The following RARRES1 variants were observed in gnomAD, a reference collection of about 807,000 sequenced individuals.
The protein encoded by RARRES1 is retinoic acid receptor responder protein 1.
A neutral mutation model predicts 30.6 loss-of-function variants in RARRES1; 34 were observed. The ratio of observed to expected loss-of-function variants is 1.11; its 90% CI spans 0.84 to 1.48. RARRES1 has a LOEUF of 1.48. Among genes scored for constraint, RARRES1 ranks in the 40% most tolerant of loss-of-function variants. The pLI is 0.00. For missense variants in RARRES1, 373 were observed against 386.5 expected, an observed-to-expected ratio of 0.97 and a Z score of 0.29; for synonymous variants, 153 against 155.5, an observed-to-expected ratio of 0.98 and a Z score of 0.12.
intron 4 of RARRES1, among the ~76,000 whole-genome samples, chr3:158,701,426 A>G (rs1156537341): frequency 1.3e-5 from 2 of 150,810 alleles, no homozygotes; most frequent in Non-Finnish European, 2.9e-5. Context: ...ATAAGCTTGT[A>G]CTTCTTTACA....
At chr3:158,727,871 C>T (rs919078770) in intron 1 of RARRES1, among the ~76,000 whole-genome samples, 1 of 152,178 alleles carries the variant, frequency 6.6e-6, no homozygotes, top group Non-Finnish European at 1.5e-5. Flanking sequence ...TTCCTCCACT[C>T]CACTCCACCC....
At chr3:158,728,019 C>T (rs1727746004) in intron 1 of RARRES1, among the ~76,000 whole-genome samples, 1 of 152,112 alleles carries the variant, frequency 6.6e-6, no homozygotes, top group Non-Finnish European at 1.5e-5. Flanking sequence ...AGAATTTCAG[C>T]GCGAGAAGAG....
At chr3:158,724,399 GATTATTCCTGTGGGCACAATGTAATC>G (rs1351073040) in intron 1 of RARRES1, among the ~76,000 whole-genome samples, 2 of 152,162 alleles carry the variant, frequency 1.3e-5, no homozygotes, top group African/African-American at 4.8e-5. Context: ...GATTATCCTG[GATTATTCCTGTGGGCACAATGTAATC>G]ACAAGGGTCC....
At chr3:158,730,040 G>T (rs1419157853) in intron 1 of RARRES1, among the ~76,000 whole-genome samples, 1 of 151,846 alleles carries the variant, frequency 6.6e-6, no homozygotes, top group East Asian at 2.0e-4. Context: ...GTGACAAGAT[G>T]GCCCGGCACG....
At chr3:158,698,656 A>G (rs1201985475) in intron 4 of RARRES1, among the ~76,000 whole-genome samples, 3 of 143,398 alleles carry the variant, frequency 2.1e-5, no homozygotes, top group Non-Finnish European at 4.5e-5. Context: ...AACCAACTCC[A>G]TATTTTCTTT....
chr3:158,697,807 A>T lies in RARRES1; in HGVS notation c.756T>A (p.Ile252=). The T allele has an allele frequency of 6.2e-7, 1 of 1,610,552 alleles. No individual in the cohort carries two copies. The part of the protein sequence containing the change: ...LSTQEIIPCR[I]HLVWYPGKPL... ...GTTTGCCAGGGTACCAGACCAAGTGAATGCGACAGGGAATTATTTCCTAGG... is the reference window on the plus strand; with the variant it reads ...GTTTGCCAGGGTACCAGACCAAGTGTATGCGACAGGGAATTATTTCCTAGG... The change falls in exon 6 of 6, where the codon ATT becomes ATA. Residue 252 remains isoleucine, a synonymous_variant. Coordinates refer to ENST00000237696, the MANE Select transcript of RARRES1 (RefSeq NM_206963.2).
At chr3:158,710,977 A>T (rs200243443) in intron 2 of RARRES1, 44 bp from the exon 3 acceptor site, 47 of 1,526,582 alleles carry the variant, frequency 3.1e-5, no homozygotes, top group Non-Finnish European at 4.1e-5. Context: ...CACTCACCCC[A>T]GTGCACACAA....
rs1185366688 is a variant in RARRES1 at position 158,723,200 on chromosome 3, A to G, written c.276+8940T>C. Among the ~76,000 whole-genome samples, 2 of 152,170 alleles carry G rather than the reference A, an allele frequency of 1.3e-5. No homozygotes were observed. The highest frequency in any genetic ancestry group is 2.1e-4 in the South Asian group (1 of 4,838). On this transcript the variant is annotated intron_variant, in intron 1 of 5. Coordinates refer to ENST00000237696, the MANE Select transcript of RARRES1 (RefSeq NM_206963.2). The surrounding 1 kb of genome is among the most constrained non-coding windows in gnomAD (Gnocchi z 4.4). ...TGGGGACGAGCTCACAGGTAATTCCAGTCTCCCTCCACGCATCTTGGGACT... is the reference window on the plus strand; with the variant it reads ...TGGGGACGAGCTCACAGGTAATTCCGGTCTCCCTCCACGCATCTTGGGACT...
rs144248581 is a variant in RARRES1 at position 158,712,318 on chromosome 3, G to T, written c.340-1385C>A. On this transcript the variant is annotated intron_variant, in intron 2 of 5. Coordinates refer to ENST00000237696, the MANE Select transcript of RARRES1 (RefSeq NM_206963.2). ...AAATTCTCTCTGCGCTTGAGCCCAG[G>T]AAGTCAAGGTTGCAGTGAGCCATGA... 7.0e-3 allele frequency among the ~76,000 whole-genome samples: 1,061 copies of T among 152,280 alleles called. 15 individuals carry two copies. The highest frequency in any genetic ancestry group is 0.025 in the African/African-American group (1,030 of 41,552).
chr3:158,700,206 T>C (rs1396107757), intron 4 of RARRES1, among the ~76,000 whole-genome samples: 1 of 149,900 alleles, frequency 6.7e-6, no homozygotes, highest in Admixed American at 6.6e-5. Context: ...ATAATAAGTG[T>C]GTGTGTGTGT....
At chr3:158,703,213 C>G (rs1405940223) in intron 4 of RARRES1, among the ~76,000 whole-genome samples, 1 of 152,164 alleles carries the variant, frequency 6.6e-6, no homozygotes, top group Non-Finnish European at 1.5e-5. Context: ...TATCTGCCCT[C>G]CTAGCACTGG....
chr3:158,710,964 T>TCC, intron 2 of RARRES1, 31 bp from the exon 3 acceptor site: 1 of 1,576,580 alleles, frequency 6.3e-7, no homozygotes, highest in Non-Finnish European at 8.7e-7. Context: ...CTTTATCACC[T>TCC]CCCACTCACC....
chr3:158,716,868 C>T (rs960881230), intron 1 of RARRES1, among the ~76,000 whole-genome samples: 2 of 152,208 alleles, frequency 1.3e-5, no homozygotes, highest in Admixed American at 1.3e-4. Flanking sequence ...ATAGGCGTGA[C>T]TCACTGCGCC....
intron 2 of RARRES1, 122 bp from the exon 3 acceptor site, chr3:158,711,055 G>T: frequency 1.1e-6 from 1 of 878,462 alleles, no homozygotes; most frequent in Non-Finnish European, 1.8e-6. Flanking sequence ...AGATGTAGTG[G>T]GTTTTGGTTT....
At chr3:158,698,060 T>C (rs1726605336) in intron 4 of RARRES1, 90 bp from the exon 5 acceptor site, 1 of 921,024 alleles carries the variant, frequency 1.1e-6, no homozygotes, top group East Asian at 2.7e-5. Flanking sequence ...ATGGGTGCCT[T>C]GTGTCTCCTA....
At chr3:158,701,802 G>A (rs1189970456) in intron 4 of RARRES1, among the ~76,000 whole-genome samples, 1 of 152,126 alleles carries the variant, frequency 6.6e-6, no homozygotes, top group Non-Finnish European at 1.5e-5. Context: ...ATGCGTGTCA[G>A]CCTTGAAACC....
chr3:158,726,548 A>G (rs1378566210), intron 1 of RARRES1, among the ~76,000 whole-genome samples: 2 of 152,264 alleles, frequency 1.3e-5, no homozygotes, highest in South Asian at 2.1e-4. Context: ...ACCTCATTAC[A>G]TAAGTAAATA....
chr3:158,726,463 A>C (rs767239892), intron 1 of RARRES1, among the ~76,000 whole-genome samples: 2 of 152,216 alleles, frequency 1.3e-5, no homozygotes, highest in Non-Finnish European at 2.9e-5. Flanking sequence ...CTAGTGGCCT[A>C]TATGGGCCTG....
At chr3:158,714,203 G>A (rs897757203) in intron 1 of RARRES1, among the ~76,000 whole-genome samples, 4 of 152,164 alleles carry the variant, frequency 2.6e-5, no homozygotes, top group Admixed American at 1.3e-4. Flanking sequence ...CCTGCTCCAC[G>A]CCCTGTCCTG....
Sources: allele counts gnomAD v4.1 joint callset (sites outside exome capture counted in the v4.1 genomes callset), GRCh38; gene constraint gnomAD v4.1.1; non-coding constraint Gnocchi (gnomAD v3.1); transcripts MANE v1.5; gene names NCBI Gene and HGNC (gene_info 2026-07-23, HGNC 2026-07-21).